Variants in H1-0 observed in about 807,000 individuals in gnomAD.
H1-0 encodes the protein histone H1.0.
A neutral mutation model predicts 8.8 loss-of-function variants in H1-0; 5 were observed. The ratio of observed to expected loss-of-function variants is 0.57; its 90% CI spans 0.30 to 1.19. H1-0 has a LOEUF of 1.19. Ranked by LOEUF, H1-0 falls within the 50% of genes most tolerant of loss-of-function variation. The pLI, the probability that H1-0 is intolerant of heterozygous loss-of-function variation, is 0.08. For synonymous variants in H1-0, 143 were observed against 101.4 expected, an observed-to-expected ratio of 1.41 and a Z score of -2.46; for missense variants, 231 against 242.0, an observed-to-expected ratio of 0.95 and a Z score of 0.30.
chr22:37,806,297 C>T lies in H1-0; in HGVS notation c.*168C>T, dbSNP rs1601687524. 3.2e-6 allele frequency: 2 copies of T among 632,422 alleles called. No individual in the cohort carries two copies. The highest frequency in any genetic ancestry group is 2.8e-6 in the Non-Finnish European group (1 of 357,898). 39.2% of individuals were successfully genotyped at this position (632,422 alleles called of 1,614,324 possible). ...AGAAATTACAGAATAATTCATTTTT[C>T]CTTAACCAGTTGTGCAAGGACAGCA... On this transcript the variant is annotated 3_prime_UTR_variant, in exon 1 of 1. Coordinates refer to ENST00000340857, the MANE Select transcript of H1-0 (RefSeq NM_005318.4).
chr22:37,806,396 C>CCG lies in H1-0; in HGVS notation c.*267_*268insCG. 2.5e-6 allele frequency: 1 copy of CCG among 402,976 alleles called. No individual in the cohort carries two copies. Among genetic ancestry groups the CCG allele is most frequent in the South Asian group, 3.4e-5 (1 of 29,200 alleles). 25.0% of individuals were successfully genotyped at this position (402,976 alleles called of 1,614,324 possible). On this transcript the variant is annotated 3_prime_UTR_variant, in exon 1 of 1. Transcript: ENST00000340857. ...ACCTACTTACGGGGTTAGGGATTTG[C>CCG]GGGGGGGGCTTGTGTGTTTTGTTGG...
rs375796831 is a variant in H1-0 at position 37,805,653 on chromosome 22, C to T, written c.109C>T (p.Gln37Ter). 1.2e-6 allele frequency: 2 copies of T among 1,613,968 alleles called. No homozygotes were observed. The highest frequency in any genetic ancestry group is 2.7e-5 in the African/African-American group (2 of 74,924). Residue 37 changes from glutamine (Q) to a stop codon, truncating the protein, a stop_gained, in exon 1 of 1, where the codon CAG becomes TAG. Coordinates refer to ENST00000340857, the MANE Select transcript of H1-0 (RefSeq NM_005318.4). LOFTEE classifies it high-confidence loss of function. ...KYSDMIVAAIQAEKNRAGSSR... is the reference protein window; with the variant it reads ...KYSDMIVAAI Reference sequence around the variant, plus strand: ...TTCAGACATGATCGTGGCTGCCATCCAGGCCGAGAAGAACCGCGCTGGCTC... The same window carrying T: ...TTCAGACATGATCGTGGCTGCCATCTAGGCCGAGAAGAACCGCGCTGGCTC...
At position 37,806,270 on chromosome 22, in the gene H1-0, T is replaced by A. The variant is rs1371635290; in HGVS notation, c.*141T>A. On this transcript the variant is annotated 3_prime_UTR_variant, in exon 1 of 1. Coordinates refer to ENST00000340857, the MANE Select transcript of H1-0 (RefSeq NM_005318.4). The stretch of plus-strand genomic sequence containing the variant: ...TTATAAGAGACAGGATTTGGATTCT[T>A]CAGAAATTACAGAATAATTCATTTT... 1 of 671,632 alleles carries A rather than the reference T, an allele frequency of 1.5e-6. No homozygotes were observed. The highest frequency in any genetic ancestry group is 2.6e-6 in the Non-Finnish European group (1 of 391,272). The allele number at this position is 671,632 out of a possible 1,614,324, so 41.6% of individuals were successfully genotyped here.
Position 37,805,299 on chromosome 22 carries a change from C to T in H1-0, c.-246C>T, listed in dbSNP as rs973502628. On this transcript the variant is annotated 5_prime_UTR_variant, in exon 1 of 1. Coordinates refer to ENST00000340857, the MANE Select transcript of H1-0 (RefSeq NM_005318.4). ...GCAGAGGCAGAGGCAGAGCCCGAGCCCGGTGCCGAGACCAAGCGACAGACC... is the reference window on the plus strand; with the variant it reads ...GCAGAGGCAGAGGCAGAGCCCGAGCTCGGTGCCGAGACCAAGCGACAGACC... 5.4e-4 allele frequency: 278 copies of T among 512,858 alleles called. 2 individuals carry two copies. Among genetic ancestry groups the T allele is most frequent in the African/African-American group, 7.8e-5 (4 of 51,116 alleles). 31.8% of individuals were successfully genotyped at this position (512,858 alleles called of 1,614,324 possible). A position where few individuals can be genotyped will look rare whatever the true frequency, so the allele number is the denominator to read the frequency against.
Position 37,805,808 on chromosome 22 carries a change from G to A in H1-0, c.264G>A (p.Gly88=), listed in dbSNP as rs1045964851. The change falls in exon 1 of 1, where the codon GGG becomes GGA. Residue 88 remains glycine (G), a synonymous_variant. Transcript: ENST00000340857. ...TCCTCAAGCAGACCAAAGGGGTGGG[G>A]GCCTCGGGGTCCTTCCGGCTAGCCA... ...TGVLKQTKGV[G]ASGSFRLAKS... is the part of the protein sequence containing the mutation. The A allele has an allele frequency of 2.5e-6, 4 of 1,613,838 alleles. No homozygotes were observed. The highest frequency in any genetic ancestry group is 3.4e-6 in the Non-Finnish European group (4 of 1,180,010).
chr22:37,805,957 C>T lies in H1-0; in HGVS notation c.413C>T (p.Pro138Leu), dbSNP rs767975093. 2 of 1,614,106 alleles carry T rather than the reference C, an allele frequency of 1.2e-6. No homozygotes were observed. Among genetic ancestry groups the T allele is most frequent in the Non-Finnish European group, 1.7e-6 (2 of 1,180,036 alleles). ...GCCTCCAAAGCCCCAACCAAGAAACCCAAAGCCACCCCGGTCAAGAAGGCC... is the reference window on the plus strand; with the variant it reads ...GCCTCCAAAGCCCCAACCAAGAAACTCAAAGCCACCCCGGTCAAGAAGGCC... Reference protein sequence around the residue: ...KAASKAPTKKPKATPVKKAKK... With the variant: ...KAASKAPTKKLKATPVKKAKK... The change falls in exon 1 of 1, where the codon CCC (proline) becomes CTC (leucine). Residue 138 changes from proline (P) to leucine (L), a missense_variant. By Grantham distance (98) the Pro-to-Leu change is moderately conservative (BLOSUM62 -3). Coordinates refer to ENST00000340857, the MANE Select transcript of H1-0 (RefSeq NM_005318.4).
rs142834608 is a variant in H1-0 at position 37,805,562 on chromosome 22, G to C, written c.18G>C (p.Thr6=). The part of the protein sequence containing the change: MTENS[T]SAPAAKPKRA... ...AGGCCACCATGACCGAGAATTCCAC[G>C]TCCGCCCCTGCGGCCAAGCCCAAGC... is the stretch of plus-strand genomic sequence containing the variant. The change falls in exon 1 of 1, where the codon ACG becomes ACC. Residue 6 remains threonine, a synonymous_variant. Transcript: ENST00000340857. 2 of 1,612,096 alleles carry C rather than the reference G, an allele frequency of 1.2e-6. No homozygotes were observed. The highest frequency in any genetic ancestry group is 1.7e-6 in the Non-Finnish European group (2 of 1,178,778).
In H1-0 at chr22:37,806,199, C is replaced by G. The variant is rs1920991716; in HGVS notation, c.*70C>G. 8.2e-7 allele frequency: 1 copy of G among 1,215,324 alleles called. No homozygotes were observed. Among genetic ancestry groups the G allele is most frequent in the Middle Eastern group, 2.0e-4 (1 of 5,066 alleles). The allele number at this position is 1,215,324 out of a possible 1,614,324, so 75.3% of individuals were successfully genotyped here. A position where few individuals can be genotyped will look rare whatever the true frequency, so the allele number is the denominator to read the frequency against. ...TCTGTAAATAATTTTCTCCTTTTTT[C>G]TCTCTTGATGCTCACCACCACCTTT... On this transcript the variant is annotated 3_prime_UTR_variant, in exon 1 of 1. Transcript: ENST00000340857.
rs956474885 is a variant in H1-0, at chr22:37,805,916, C to T, written c.372C>T (p.Ser124=). Residue 124 remains serine (S), a synonymous_variant, in exon 1 of 1, where the codon TCC becomes TCT. Coordinates refer to ENST00000340857, the MANE Select transcript of H1-0 (RefSeq NM_005318.4). The part of the protein sequence containing the change: ...IKKVATPKKA[S]KPKKAASKAP... ...AGGTAGCCACGCCAAAGAAGGCATCCAAGCCCAAGAAGGCTGCCTCCAAAG... is the reference window on the plus strand; with the variant it reads ...AGGTAGCCACGCCAAAGAAGGCATCTAAGCCCAAGAAGGCTGCCTCCAAAG... 6.2e-7 allele frequency: 1 copy of T among 1,613,990 alleles called. No homozygotes were observed. The highest frequency in any genetic ancestry group is 1.3e-5 in the African/African-American group (1 of 74,894).
chr22:37,807,388 T>G lies in H1-0; in HGVS notation c.*1259T>G, dbSNP rs995809517. On this transcript the variant is annotated 3_prime_UTR_variant, in exon 1 of 1. Coordinates refer to ENST00000340857, the MANE Select transcript of H1-0 (RefSeq NM_005318.4). ...TACTTGTGCCGGGAAAATTTTGCTG[T>G]CTTTGTAATTTTAAAACTTTAAAAT... 4 of 159,410 alleles carry G rather than the reference T, an allele frequency of 2.5e-5. No individual in the cohort carries two copies. Among genetic ancestry groups the G allele is most frequent in the African/African-American group, 5.1e-5 (2 of 39,476 alleles). The allele number at this position is 159,410 out of a possible 1,614,324, so 9.9% of individuals were successfully genotyped here. A position where few individuals can be genotyped will look rare whatever the true frequency, so the allele number is the denominator to read the frequency against.
Position 37,806,662 on chromosome 22 carries a change from T to G in H1-0, c.*533T>G. On this transcript the variant is annotated 3_prime_UTR_variant, in exon 1 of 1. Coordinates refer to ENST00000340857, the MANE Select transcript of H1-0 (RefSeq NM_005318.4). ...GAAAAAAACCGCCACCGGGCTGACT[T>G]CCACCTCCCAGTGGTGAGCAGTGGG... 5.8e-6 allele frequency: 1 copy of G among 171,676 alleles called. No individual in the cohort carries two copies. The highest frequency in any genetic ancestry group is 1.4e-5 in the Non-Finnish European group (1 of 70,902). The allele number at this position is 171,676 out of a possible 1,614,324, so 10.6% of individuals were successfully genotyped here. A position where few individuals can be genotyped will look rare whatever the true frequency, so the allele number is the denominator to read the frequency against.
Sources: gnomAD v4.1 joint callset for allele counts on GRCh38, gnomAD v4.1.1 for gene constraint, MANE v1.5 for transcripts, NCBI Gene and HGNC (gene_info 2026-07-23, HGNC 2026-07-21) for gene names.